Variants in STAG1 observed in about 807,000 individuals in gnomAD.
STAG1 encodes the protein cohesin subunit SA-1.
Under a neutral mutation model 170.9 loss-of-function variants are expected in STAG1, and 26 were observed. The observed-to-expected ratio is 0.15, with a 90% CI of 0.11 to 0.21. The LOEUF (loss-of-function observed/expected upper bound fraction) is 0.21. Among genes scored for constraint, STAG1 ranks in the 10% least tolerant of loss-of-function variants. STAG1 has a pLI of 1.00. For missense variants in STAG1, 964 were observed against 1,509.5 expected, an observed-to-expected ratio of 0.64 and a Z score of 5.99; for synonymous variants, 514 against 497.7, an observed-to-expected ratio of 1.03 and a Z score of -0.44.
intron 1 of STAG1, among the ~76,000 whole-genome samples, chr3:136,658,662 A>C (rs1941473273): frequency 6.6e-6 from 1 of 152,224 alleles, no homozygotes; most frequent in South Asian, 2.1e-4. Flanking sequence ...TACAAAGTGA[A>C]ATCATTTCCG....
chr3:136,551,256 A>AGAGAGG (rs1349290528), intron 5 of STAG1, among the ~76,000 whole-genome samples: 30 of 129,978 alleles, frequency 2.3e-4, no homozygotes, highest in African/African-American at 7.4e-4. Context: ...AGAGAGAGAG[A>AGAGAGG]GAGAGGGAGA....
chr3:136,670,383 A>C (rs953286760), intron 1 of STAG1, among the ~76,000 whole-genome samples: 2 of 152,200 alleles, frequency 1.3e-5, no homozygotes, highest in Admixed American at 1.3e-4. Flanking sequence ...TTCCAACAAG[A>C]CCCTAATTTA....
chr3:136,405,173 T>A (rs776424822), intron 21 of STAG1, among the ~76,000 whole-genome samples: 2 of 149,272 alleles, frequency 1.3e-5, no homozygotes, highest in Non-Finnish European at 3.0e-5. Context: ...AAATAATCAA[T>A]ATGGCTTTCC....
At chr3:136,361,077 A>G (rs924985078) in intron 26 of STAG1, among the ~76,000 whole-genome samples, 1 of 152,276 alleles carries the variant, frequency 6.6e-6, no homozygotes, top group South Asian at 2.1e-4. Flanking sequence ...AATTCAAAGA[A>G]TATCAAAGTA....
Position 136,433,759 on chromosome 3 carries a change from C to T in STAG1, c.1547-100G>A, listed in dbSNP as rs562844218. 6 of 800,890 alleles carry T rather than the reference C, an allele frequency of 7.5e-6. No homozygotes were observed. The East Asian group carries it at 1.1e-4, about 14-fold the overall frequency. 49.6% of individuals were successfully genotyped at this position (800,890 alleles called of 1,614,324 possible). A position where few individuals can be genotyped will look rare whatever the true frequency, so the allele number is the denominator to read the frequency against. ...TAAAAAAACTGAAAACATTCTATTA[C>T]TGCTTATTTTAAAGACTAAAGTTAA... On this transcript the variant is annotated intron_variant, in intron 15 of 33. Coordinates refer to ENST00000383202, the MANE Select transcript of STAG1 (RefSeq NM_005862.3).
Position 136,377,311 on chromosome 3 carries a change from C to T in STAG1, c.2370+349G>A, listed in dbSNP as rs373247326. Among the ~76,000 whole-genome samples the T allele has an allele frequency of 3.6e-4, 46 of 126,980 alleles. No homozygotes were observed. The East Asian group carries it at 8.8e-3, about 24-fold the overall frequency. The allele number at this position is 126,980 out of a possible 152,430, so 83.3% of individuals were successfully genotyped here. A position where few individuals can be genotyped will look rare whatever the true frequency, so the allele number is the denominator to read the frequency against. On this transcript the variant is annotated intron_variant, in intron 23 of 33. Transcript: ENST00000383202. Reference sequence around the variant, plus strand: ...CTGAGGCAGGAGAATGGCGTGAACCCGGGAGGCGGAGCTTGCAGTGAGCCG... The same window carrying T: ...CTGAGGCAGGAGAATGGCGTGAACCTGGGAGGCGGAGCTTGCAGTGAGCCG...
At chr3:136,462,994 C>T (rs754702280) in intron 13 of STAG1, among the ~76,000 whole-genome samples, 10 of 151,910 alleles carry the variant, frequency 6.6e-5, no homozygotes, top group South Asian at 4.1e-4. Context: ...TCTAAAAACA[C>T]GAAGTTCTTT....
intron 32 of STAG1, among the ~76,000 whole-genome samples, chr3:136,339,960 G>C (rs1935897565): frequency 6.6e-6 from 1 of 152,174 alleles, no homozygotes; most frequent in African/African-American, 2.4e-5. Context: ...GACGCTGAAA[G>C]ATCTGGTATG....
chr3:136,519,297 T>C (rs1465713888), intron 7 of STAG1, among the ~76,000 whole-genome samples: 1 of 152,114 alleles, frequency 6.6e-6, no homozygotes, highest in Non-Finnish European at 1.5e-5. Flanking sequence ...GAAAAGTAGC[T>C]TGCCCCTACA....
At chr3:136,557,313 T>C (rs1936662301) in intron 5 of STAG1, among the ~76,000 whole-genome samples, 1 of 151,994 alleles carries the variant, frequency 6.6e-6, no homozygotes, top group South Asian at 2.1e-4. Context: ...AGAAAAAGAC[T>C]CTCCTGTAAA....
intron 1 of STAG1, among the ~76,000 whole-genome samples, chr3:136,657,981 C>T (rs951231861): frequency 6.6e-6 from 1 of 152,120 alleles, no homozygotes; most frequent in South Asian, 2.1e-4. Flanking sequence ...TCCAGTACTA[C>T]CAGAACTGGC....
intron 1 of STAG1, among the ~76,000 whole-genome samples, chr3:136,646,922 A>G (rs577471618): frequency 6.6e-6 from 1 of 152,142 alleles, no homozygotes; most frequent in Non-Finnish European, 1.5e-5. Context: ...AAAAAAATAT[A>G]TAATAATAAT....
chr3:136,575,573 C>A (rs1937426485), intron 4 of STAG1, among the ~76,000 whole-genome samples: 1 of 152,156 alleles, frequency 6.6e-6, no homozygotes, highest in African/African-American at 2.4e-5. Flanking sequence ...ATAATTCCAA[C>A]AGAAAATTAA....
intron 4 of STAG1, among the ~76,000 whole-genome samples, chr3:136,591,285 GGGAAGGTGGGAAGGCA>G (rs1385583153): frequency 2.7e-5 from 4 of 148,758 alleles, no homozygotes; most frequent in Non-Finnish European, 6.0e-5. Flanking sequence ...GAGGGAAGGC[GGGAAGGTGGGAAGGCA>G]GGAAGGCAGG....
intron 7 of STAG1, among the ~76,000 whole-genome samples, chr3:136,506,154 G>A (rs766437372): frequency 8.5e-5 from 13 of 152,132 alleles, no homozygotes; most frequent in Non-Finnish European, 1.9e-4. Context: ...CCAGAGTATA[G>A]GACAGTAAAA....
At chr3:136,663,671 A>T (rs1941655118) in intron 1 of STAG1, among the ~76,000 whole-genome samples, 1 of 152,204 alleles carries the variant, frequency 6.6e-6, no homozygotes, top group African/African-American at 2.4e-5. Context: ...AGTAAACTAT[A>T]AGGTTTCCAA....
rs371910174 is a variant in STAG1 at position 136,411,091 on chromosome 3, T to C, written c.2196+6794A>G. Among the ~76,000 whole-genome samples the C allele has an allele frequency of 3.3e-5, 5 of 152,292 alleles. No homozygotes were observed. In the East Asian group the frequency reaches 9.6e-4, roughly 29 times the overall value. On this transcript the variant is annotated intron_variant, in intron 21 of 33. Transcript: ENST00000383202. ...ATGTAAGAGCAAAATAAAAGTTTTC[T>C]ATCCTGATGACTTGAGAGGCCCAAA...
intron 1 of STAG1, among the ~76,000 whole-genome samples, chr3:136,676,449 T>G (rs1220279361): frequency 6.6e-6 from 1 of 152,156 alleles, no homozygotes; most frequent in African/African-American, 2.4e-5. Flanking sequence ...TATACAAAAA[T>G]ATTTTCTTTC....
At chr3:136,569,331 C>T (rs1227420457) in intron 4 of STAG1, among the ~76,000 whole-genome samples, 1 of 127,510 alleles carries the variant, frequency 7.8e-6, no homozygotes, top group East Asian at 2.3e-4. Flanking sequence ...AATTTATCAA[C>T]AAAGTGAAAA....
Sources: allele counts gnomAD v4.1 joint callset (sites outside exome capture counted in the v4.1 genomes callset), GRCh38; gene constraint gnomAD v4.1.1; transcripts MANE v1.5; gene names NCBI Gene and HGNC (gene_info 2026-07-23, HGNC 2026-07-21).